Variants in AMZ1 observed in about 807,000 individuals in gnomAD.
AMZ1 encodes archaelysin family metallopeptidase 1, also known as archaemetzincin-1.
A neutral mutation model predicts 29.9 loss-of-function variants in AMZ1; 39 were observed. The ratio of observed to expected loss-of-function variants is 1.30; its 90% CI spans 1.01 to 1.70. AMZ1 has a LOEUF of 1.70. Ranked by LOEUF, AMZ1 falls within the 40% of genes most tolerant of loss-of-function variation. AMZ1 has a pLI of 0.00. For missense variants in AMZ1, 1,041 were observed against 680.6 expected, an observed-to-expected ratio of 1.53 and a Z score of -5.89; for synonymous variants, 458 against 304.0, an observed-to-expected ratio of 1.51 and a Z score of -5.27.
intron 5 of AMZ1, 55 bp from the exon 6 acceptor site, chr7:2,709,575 CCTGGGGATCT>C (rs1200868106): frequency 1.9e-6 from 3 of 1,560,754 alleles, no homozygotes; most frequent in Admixed American, 3.7e-5. Flanking sequence ...GCTGGGGCTG[CCTGGGGATCT>C]GCCGGATGCA....
At chr7:2,737,842 T>C (rs1258620561) in intron 4 of AMZ1, among the ~76,000 whole-genome samples, 1 of 152,214 alleles carries the variant, frequency 6.6e-6, no homozygotes, top group Non-Finnish European at 1.5e-5. Context: ...TAGCATTTGA[T>C]TTCCACTGAA....
intron 1 of AMZ1, among the ~76,000 whole-genome samples, chr7:2,681,513 G>A (rs567568174): frequency 1.3e-5 from 2 of 152,222 alleles, no homozygotes; most frequent in South Asian, 4.1e-4. Flanking sequence ...CATCCGCCTT[G>A]CCCTCTCAAA....
chr7:2,754,740 C>A (rs1791210344), intron 4 of AMZ1, among the ~76,000 whole-genome samples: 2 of 152,138 alleles, frequency 1.3e-5, no homozygotes, highest in African/African-American at 2.4e-5. Context: ...CAGAGTGAGA[C>A]CCTGCCTCAA....
downstream of AMZ1, among the ~76,000 whole-genome samples, chr7:2,722,922 T>C (rs1303033435): frequency 2.3e-4 from 35 of 152,036 alleles, no homozygotes; most frequent in Admixed American, 2.3e-3. Flanking sequence ...GAGGCTGCGA[T>C]GAGCTATGAT....
At chr7:2,746,719 T>C (rs548802779) in intron 4 of AMZ1, among the ~76,000 whole-genome samples, 29 of 152,104 alleles carry the variant, frequency 1.9e-4, no homozygotes, top group Non-Finnish European at 3.2e-4. Context: ...AAAAAATTAA[T>C]GAATCCAGGA....
chr7:2,707,970 C>T (rs893210548), intron 3 of AMZ1, among the ~76,000 whole-genome samples: 16 of 151,728 alleles, frequency 1.1e-4, no homozygotes, highest in African/African-American at 1.9e-4. Context: ...ATTACAGGCA[C>T]GCACCACCAG....
downstream of AMZ1, among the ~76,000 whole-genome samples, chr7:2,720,240 T>TA (rs1190671928): frequency 6.6e-6 from 1 of 152,172 alleles, no homozygotes; most frequent in Non-Finnish European, 1.5e-5. Flanking sequence ...CACAAACACT[T>TA]AGTCACTGCT....
rs555003436 is a variant in AMZ1 at position 2,712,831 on chromosome 7, G to A, written c.1450G>A (p.Ala484Thr). 197 of 1,534,640 alleles carry A rather than the reference G, an allele frequency of 1.3e-4. No homozygotes were observed. The highest frequency in any genetic ancestry group is 1.8e-4 in the Middle Eastern group (1 of 5,688). The change falls in exon 7 of 7, where the codon GCC becomes ACC. Residue 484 changes from alanine to threonine, a missense_variant. Physicochemically the swap from Ala to Thr is moderately conservative, Grantham distance 58. Transcript: ENST00000683327. The stretch of plus-strand genomic sequence containing the variant: ...GAGGAAGCTGAGTGCCCGAAAACTC[G>A]CCAGAGCAGAGTCGGCCCCCCGTCC... ...LRRKLSARKLARAESAPRPWD... is the reference protein window; with the variant it reads ...LRRKLSARKLTRAESAPRPWD...
At chr7:2,723,166 TAAG>T (rs1236145350), downstream of AMZ1, among the ~76,000 whole-genome samples, 1 of 152,164 alleles carries the variant, frequency 6.6e-6, no homozygotes, top group Non-Finnish European at 1.5e-5. Flanking sequence ...TGACTCCTAA[TAAG>T]AAAGCACCAC....
chr7:2,743,385 T>C lies in AMZ1; in HGVS notation n.551-21327T>C, dbSNP rs140876756. On this transcript the variant is annotated intron_variant and non_coding_transcript_variant, in intron 4 of 4. Coordinates refer to the AMZ1 transcript ENST00000489665. ...AGATATAATTAAATTATTCAAAATA[T>C]GGAAGATATTCATCATCAGGGGCAA... is the stretch of plus-strand genomic sequence containing the variant. Among the ~76,000 whole-genome samples the C allele has an allele frequency of 1.5e-3, 228 of 152,288 alleles. 1 individual carries two copies. Among genetic ancestry groups the C allele is most frequent in the Non-Finnish European group, 2.6e-3 (177 of 68,022 alleles).
chr7:2,734,549 T>G (rs1180299360), intron 4 of AMZ1, among the ~76,000 whole-genome samples: 1 of 152,192 alleles, frequency 6.6e-6, no homozygotes, highest in Non-Finnish European at 1.5e-5. Context: ...GTGATGGCGC[T>G]GAAGCTCGTG....
Position 2,696,660 on chromosome 7 carries a change from A to G in AMZ1, c.-218-3574A>G, listed in dbSNP as rs996682854. On this transcript the variant is annotated intron_variant, in intron 1 of 6. Coordinates refer to ENST00000683327, the MANE Select transcript of AMZ1 (RefSeq NM_001384743.1). ...AGCACTTTGGGAGGCTGAGGTGGGC[A>G]GATCACCTTGAGGTCAGGAGTTCAA... 5.9e-5 allele frequency among the ~76,000 whole-genome samples: 9 copies of G among 151,862 alleles called. No individual in the cohort carries two copies. The South Asian group carries it at 1.7e-3, about 28-fold the overall frequency.
chr7:2,724,641 T>A (rs1382181958), downstream of AMZ1, among the ~76,000 whole-genome samples: 1 of 152,164 alleles, frequency 6.6e-6, no homozygotes, highest in Admixed American at 6.5e-5. Context: ...CCGCTTTGGT[T>A]CATGTTACAA....
chr7:2,719,461 C>T lies in AMZ1; in HGVS notation c.*6583C>T, dbSNP rs778603653. 5.3e-5 allele frequency among the ~76,000 whole-genome samples: 8 copies of T among 152,204 alleles called. No individual in the cohort carries two copies. The highest frequency in any genetic ancestry group is 2.1e-4 in the South Asian group (1 of 4,830). ...CAAGTCCCACAATAGCCTCTCCCAA[C>T]GGGAACGACTTAGCCCTAATTACAT... On this transcript the variant is annotated 3_prime_UTR_variant, in exon 7 of 7. Coordinates refer to ENST00000683327, the MANE Select transcript of AMZ1 (RefSeq NM_001384743.1).
At chr7:2,720,010 C>G (rs573809676), downstream of AMZ1, among the ~76,000 whole-genome samples, 1 of 152,110 alleles carries the variant, frequency 6.6e-6, no homozygotes, top group South Asian at 2.1e-4. Context: ...AGGGCTTAAA[C>G]GAAGAGGATG....
chr7:2,707,214 A>G (rs1424750395), intron 3 of AMZ1, among the ~76,000 whole-genome samples: 2 of 151,948 alleles, frequency 1.3e-5, no homozygotes, highest in Non-Finnish European at 2.9e-5. Flanking sequence ...CGGAGGTTAC[A>G]GTGAACTGAG....
intron 4 of AMZ1, among the ~76,000 whole-genome samples, chr7:2,749,772 C>T (rs972474801): frequency 6.6e-6 from 1 of 152,024 alleles, no homozygotes; most frequent in African/African-American, 2.4e-5. Context: ...TTAAAATTTA[C>T]TGGATGAACT....
chr7:2,692,967 G>T (rs1279156955), intron 1 of AMZ1, among the ~76,000 whole-genome samples: 5 of 152,248 alleles, frequency 3.3e-5, no homozygotes, highest in African/African-American at 1.2e-4. Flanking sequence ...TGTCTGGGAC[G>T]GTCTGCCCCT....
chr7:2,732,996 G>A (rs1203003048), intron 4 of AMZ1, among the ~76,000 whole-genome samples: 1 of 152,168 alleles, frequency 6.6e-6, no homozygotes, highest in Non-Finnish European at 1.5e-5. Flanking sequence ...CAATTTTTCA[G>A]GAGCCATACG....
Sources: allele counts gnomAD v4.1 joint callset (sites outside exome capture counted in the v4.1 genomes callset), GRCh38; gene constraint gnomAD v4.1.1; transcripts MANE v1.5; gene names NCBI Gene and HGNC (gene_info 2026-07-23, HGNC 2026-07-21).